Variants in COL4A4 observed in about 807,000 individuals in gnomAD.
The protein encoded by COL4A4 is collagen type IV alpha 4 chain.
A neutral mutation model predicts 192.9 loss-of-function variants in COL4A4; 105 were observed. That is an observed-to-expected ratio of 0.54 (90% CI 0.46 to 0.64). The LOEUF is 0.64. COL4A4 is among the 30% of genes least tolerant of loss of function. COL4A4 has a pLI of 0.00. For synonymous variants in COL4A4, 762 were observed against 769.9 expected (o/e 0.99, Z 0.17); for missense variants, 1,967 against 2,169.3 (o/e 0.91, Z 1.85).
chr2:227,007,316 T>A lies in COL4A4; in HGVS notation c.*9A>T, dbSNP rs1289621291. 6.2e-7 allele frequency: 1 copy of A among 1,614,252 alleles called. No individual in the cohort carries two copies. The highest frequency in any genetic ancestry group is 8.5e-7 in the Non-Finnish European group (1 of 1,180,054). Reference sequence around the variant, plus strand: ...TCTCTTGGCCACGTGTTGGTGAATTTCGCATTCTCTAGCTATACTTCACGC... The same window carrying A: ...TCTCTTGGCCACGTGTTGGTGAATTACGCATTCTCTAGCTATACTTCACGC... On this transcript the variant is annotated 3_prime_UTR_variant, in exon 48 of 48. Coordinates refer to ENST00000396625, the MANE Select transcript of COL4A4 (RefSeq NM_000092.5).
At chr2:227,108,516 G>A (rs2060989507) in intron 12 of COL4A4, 65 bp downstream of exon 12, 2 of 1,474,806 alleles carry the variant, frequency 1.4e-6, no homozygotes, top group Non-Finnish European at 1.9e-6. Flanking sequence ...AATCAGAACA[G>A]CCTCCACCCC....
chr2:227,061,587 G>T (rs552209766), intron 26 of COL4A4, among the ~76,000 whole-genome samples: 22 of 152,324 alleles, frequency 1.4e-4, no homozygotes, highest in Middle Eastern at 3.4e-3. Flanking sequence ...ATAAGTGTTT[G>T]CTGTAGCCCA....
chr2:227,118,125 C>T (rs75683307), intron 7 of COL4A4, among the ~76,000 whole-genome samples: 5,255 of 151,714 alleles, frequency 0.035, 291 homozygotes, highest in African/African-American at 0.12. Flanking sequence ...TTCCTGACTC[C>T]GGATCTCAGC....
Position 227,007,368 on chromosome 2 carries a change from C to T in COL4A4, c.5030G>A (p.Arg1677His), listed in dbSNP as rs754121251. The T allele has an allele frequency of 1.1e-5, 17 of 1,614,226 alleles. No individual in the cohort carries two copies. Among genetic ancestry groups the T allele is most frequent in the African/African-American group, 4.0e-5 (3 of 75,052 alleles). The stretch of plus-strand genomic sequence containing the variant: ...GACCTGGCACCGGCTGATTTTCTGG[C>T]GTTGGGCCTGGCTTTCTTTTAAGGT... Reference protein sequence around the residue: ...PDTLKESQAQRQKISRCQVCV... With the variant: ...PDTLKESQAQHQKISRCQVCV... Residue 1677 changes from arginine (R) to histidine (H), a missense_variant, in exon 48 of 48, where the codon CGC (arginine) becomes CAC (histidine). Physicochemically the swap from Arg to His is conservative, Grantham distance 29. Coordinates refer to ENST00000396625, the MANE Select transcript of COL4A4 (RefSeq NM_000092.5).
chr2:226,971,909 CTTT>C, the COL4A4 span, among the ~76,000 whole-genome samples: 1 of 146,398 alleles, frequency 6.8e-6, no homozygotes. Context: ...CAAAAGCCCA[CTTT>C]TTTTTTTTTT....
intron 25 of COL4A4, among the ~76,000 whole-genome samples, chr2:227,065,239 G>GC (rs2058241656): frequency 6.6e-6 from 1 of 152,188 alleles, no homozygotes; most frequent in Non-Finnish European, 1.5e-5. Flanking sequence ...AGGGTCCTAC[G>GC]CCAGGCTGAT....
chr2:227,111,073 C>T lies in COL4A4; in HGVS notation c.594+605G>A, dbSNP rs145054483. The stretch of plus-strand genomic sequence containing the variant: ...TTGCTGGTCTGGGCGGCCCTCGGTG[C>T]CCCTACAGAAAACAAAATTATAAGT... On this transcript the variant is annotated intron_variant, in intron 9 of 47. Coordinates refer to ENST00000396625, the MANE Select transcript of COL4A4 (RefSeq NM_000092.5). Among the ~76,000 whole-genome samples, 70 of 152,280 alleles carry T rather than the reference C, an allele frequency of 4.6e-4. No homozygotes were observed. The East Asian group carries it at 0.012, about 25-fold the overall frequency.
intron 19 of COL4A4, among the ~76,000 whole-genome samples, chr2:227,096,481 C>T (rs1348738955): frequency 2.6e-5 from 4 of 152,164 alleles, no homozygotes; most frequent in Non-Finnish European, 5.9e-5. Context: ...ATGTGCCGGG[C>T]TTCAGTAGAC....
At chr2:227,144,098 C>T (rs963743610) in intron 3 of COL4A4, among the ~76,000 whole-genome samples, 11 of 152,294 alleles carry the variant, frequency 7.2e-5, no homozygotes, top group Admixed American at 7.2e-4. Flanking sequence ...TTCCCAGACA[C>T]GTCTGAGGGT....
At chr2:227,148,317 A>G (rs2063687404) in intron 1 of COL4A4, among the ~76,000 whole-genome samples, 1 of 152,248 alleles carries the variant, frequency 6.6e-6, no homozygotes, top group Non-Finnish European at 1.5e-5. Context: ...AGTATTATTC[A>G]GCCATGAAAA....
At chr2:227,155,939 T>A (rs1347233599) in intron 1 of COL4A4, among the ~76,000 whole-genome samples, 1 of 152,172 alleles carries the variant, frequency 6.6e-6, no homozygotes, top group African/African-American at 2.4e-5. Flanking sequence ...ACACTTCATT[T>A]CTCAGTGTGT....
intron 12 of COL4A4, among the ~76,000 whole-genome samples, chr2:227,107,819 A>G (rs6748584): frequency 0.58 from 84,504 of 146,194 alleles, 24,577 homozygotes; most frequent in Middle Eastern, 0.68. Context: ...GTGCAGTGGC[A>G]CAATCTTGGC....
intron 20 of COL4A4, among the ~76,000 whole-genome samples, chr2:227,090,622 C>A (rs375718600): frequency 2.0e-5 from 3 of 151,534 alleles, no homozygotes; most frequent in African/African-American, 7.3e-5. Context: ...CACGGTGGTG[C>A]GTGCCTGTAA....
intron 40 of COL4A4, 137 bp from the exon 41 acceptor site, chr2:227,030,735 CAATG>C (rs1223002633): frequency 2.7e-5 from 17 of 629,734 alleles, no homozygotes; most frequent in Non-Finnish European, 4.4e-5. Flanking sequence ...ATAAGAAAGT[CAATG>C]ATAACAGAAA....
chr2:227,123,661 T>G lies in COL4A4; in HGVS notation c.193-2513A>C, dbSNP rs1337312915. 1.3e-5 allele frequency among the ~76,000 whole-genome samples: 2 copies of G among 152,194 alleles called. No individual in the cohort carries two copies. The highest frequency in any genetic ancestry group is 3.9e-4 in the East Asian group (2 of 5,188). On this transcript the variant is annotated intron_variant, in intron 4 of 47. Transcript: ENST00000396625. The surrounding 1 kb of genome is among the most constrained non-coding windows in gnomAD (Gnocchi z 4.6). The stretch of plus-strand genomic sequence containing the variant: ...TGATGGGTATGGAGTGCCTGCCAAC[T>G]GTGCCTCCGGGGCTTTGGATAAAGC...
intron 20 of COL4A4, 115 bp downstream of exon 20, chr2:227,094,010 G>C (rs2060076085): frequency 3.1e-6 from 3 of 972,058 alleles, no homozygotes; most frequent in Non-Finnish European, 4.6e-6. Flanking sequence ...AACCAACTTA[G>C]CTCATGAAAC....
intron 21 of COL4A4, among the ~76,000 whole-genome samples, chr2:227,089,025 C>T (rs549853107): frequency 5.9e-5 from 9 of 152,180 alleles, no homozygotes; most frequent in Admixed American, 3.9e-4. Flanking sequence ...GTGGGCATAC[C>T]ATTTCTAAAC....
intron 1 of COL4A4, among the ~76,000 whole-genome samples, chr2:227,159,571 TC>T (rs1422372934): frequency 6.6e-6 from 1 of 152,232 alleles, no homozygotes; most frequent in Non-Finnish European, 1.5e-5. Flanking sequence ...AATCACATAA[TC>T]CCCATATGTC....
chr2:227,139,697 A>G (rs2063067252), intron 4 of COL4A4, among the ~76,000 whole-genome samples: 1 of 152,242 alleles, frequency 6.6e-6, no homozygotes, highest in Non-Finnish European at 1.5e-5. Flanking sequence ...GCACATAACA[A>G]GCATACAAAA....
Sources: gnomAD v4.1 joint callset for allele counts (sites outside exome capture counted in the v4.1 genomes callset) on GRCh38, gnomAD v4.1.1 for gene constraint, Gnocchi (gnomAD v3.1) non-coding constraint, MANE v1.5 for transcripts, NCBI Gene and HGNC (gene_info 2026-07-23, HGNC 2026-07-21) for gene names.